Variants in MRTFA observed in about 807,000 individuals in gnomAD.
The protein encoded by MRTFA is myocardin-related transcription factor A.
Under a neutral mutation model 83.5 loss-of-function variants are expected in MRTFA, and 20 were observed. The observed-to-expected ratio is 0.24, with a 90% CI of 0.17 to 0.35. The LOEUF (loss-of-function observed/expected upper bound fraction) is 0.35, where lower values mean the gene tolerates loss of function less well. Ranked by LOEUF, MRTFA falls within the 10% of genes least tolerant of loss-of-function variation. The pLI is 1.00. For missense variants in MRTFA, 1,200 were observed against 1,224.7 expected, an observed-to-expected ratio of 0.98 and a Z score of 0.30; for synonymous variants, 659 against 541.2, an observed-to-expected ratio of 1.22 and a Z score of -3.02.
chr22:40,534,402 A>G (rs1286733767), intron 3 of MRTFA, among the ~76,000 whole-genome samples: 6 of 152,228 alleles, frequency 3.9e-5, no homozygotes, highest in Admixed American at 6.5e-5. Context: ...TTGTGCCTAT[A>G]TTAGACATAC....
intron 3 of MRTFA, among the ~76,000 whole-genome samples, chr22:40,484,263 T>TA (rs2054139615): frequency 6.6e-6 from 1 of 152,120 alleles, no homozygotes; most frequent in South Asian, 2.1e-4. Context: ...TAAAATTTGA[T>TA]AAAGTCTGCA....
In MRTFA at chr22:40,421,106, G is replaced by A. The variant is rs1437183033; in HGVS notation, c.928-6C>T. ...GCAGACTTGGGTTGGCTTTGCTGAGGGCACAGGAGACAGGGTGCCATTCAG... is the reference window on the plus strand; with the variant it reads ...GCAGACTTGGGTTGGCTTTGCTGAGAGCACAGGAGACAGGGTGCCATTCAG... On this transcript the variant is annotated splice_polypyrimidine_tract_variant and splice_region_variant and intron_variant, in intron 9 of 14. Coordinates refer to ENST00000355630, the MANE Select transcript of MRTFA (RefSeq NM_020831.6). The A allele has an allele frequency of 4.6e-6, 7 of 1,520,794 alleles. No homozygotes were observed. The South Asian group carries it at 7.9e-5, about 17-fold the overall frequency. The allele number at this position is 1,520,794 out of a possible 1,614,324, so 94.2% of individuals were successfully genotyped here. A position where few individuals can be genotyped will look rare whatever the true frequency, so the allele number is the denominator to read the frequency against.
intron 3 of MRTFA, among the ~76,000 whole-genome samples, chr22:40,479,424 G>A (rs945736558): frequency 3.9e-5 from 6 of 152,002 alleles, no homozygotes; most frequent in South Asian, 4.1e-4. Context: ...GCTGCTGGCC[G>A]GCCTTTCCTC....
chr22:40,563,127 A>G (rs1417605824), intron 2 of MRTFA, among the ~76,000 whole-genome samples: 2 of 152,030 alleles, frequency 1.3e-5, no homozygotes, highest in African/African-American at 4.8e-5. Context: ...TACTGGCTTC[A>G]TTTCTCACCA....
At chr22:40,531,167 T>C (rs954173569) in intron 3 of MRTFA, among the ~76,000 whole-genome samples, 15 of 151,772 alleles carry the variant, frequency 9.9e-5, no homozygotes, top group Admixed American at 2.0e-4. Flanking sequence ...GGCATGATCA[T>C]AGCTTGTTGC....
intron 1 of MRTFA, among the ~76,000 whole-genome samples, chr22:40,628,264 T>G (rs2056603217): frequency 1.3e-5 from 2 of 152,188 alleles, no homozygotes; most frequent in African/African-American, 4.8e-5. Context: ...GTCACATACC[T>G]GGTAACTGTC....
chr22:40,524,256 A>AC (rs1384974673), intron 3 of MRTFA, among the ~76,000 whole-genome samples: 1 of 152,176 alleles, frequency 6.6e-6, no homozygotes, highest in African/African-American at 2.4e-5. Context: ...TGATTATGCC[A>AC]CTGCACTCCA....
intron 1 of MRTFA, among the ~76,000 whole-genome samples, chr22:40,608,242 C>T (rs1197009960): frequency 2.6e-5 from 4 of 152,044 alleles, no homozygotes; most frequent in African/African-American, 2.4e-5. Flanking sequence ...CTCAAACTCC[C>T]GACCTCAGGT....
intron 1 of MRTFA, among the ~76,000 whole-genome samples, chr22:40,624,808 A>G (rs1569357894): frequency 6.6e-6 from 1 of 152,240 alleles, no homozygotes; most frequent in Non-Finnish European, 1.5e-5. Flanking sequence ...TAGCTTGTCC[A>G]AATTGTATAA....
intron 3 of MRTFA, among the ~76,000 whole-genome samples, chr22:40,503,530 T>G (rs998460086): frequency 6.6e-6 from 1 of 152,100 alleles, no homozygotes; most frequent in African/African-American, 2.4e-5. Flanking sequence ...ATTTTTAGAG[T>G]GGAGTGTCCT....
intron 3 of MRTFA, among the ~76,000 whole-genome samples, chr22:40,505,657 T>A (rs761425466): frequency 6.6e-6 from 1 of 152,198 alleles, no homozygotes; most frequent in Non-Finnish European, 1.5e-5. Flanking sequence ...TGAATGGGAT[T>A]AAAGCCCTTA....
At chr22:40,453,281 G>A (rs935219033) in intron 4 of MRTFA, among the ~76,000 whole-genome samples, 1 of 152,170 alleles carries the variant, frequency 6.6e-6, no homozygotes, top group African/African-American at 2.4e-5. Flanking sequence ...CATCTCACTA[G>A]GTAGGGTTCT....
At chr22:40,620,834 A>G (rs2056514706) in intron 1 of MRTFA, among the ~76,000 whole-genome samples, 1 of 152,190 alleles carries the variant, frequency 6.6e-6, no homozygotes, top group African/African-American at 2.4e-5. Flanking sequence ...ACAATGTTAT[A>G]TCAGCAGAAA....
rs556913277 is a variant in MRTFA at position 40,539,689 on chromosome 22, G to C, written c.241+12417C>G. ...GGCTAATTTTTGTATTTTTAATAAA[G>C]ACAGGGTTTTCACCATGTTGGCCAG... is the stretch of plus-strand genomic sequence containing the variant. On this transcript the variant is annotated intron_variant, in intron 3 of 14. Transcript: ENST00000355630. Among the ~76,000 whole-genome samples the C allele has an allele frequency of 2.8e-4, 42 of 151,950 alleles. No homozygotes were observed. The South Asian group carries it at 6.7e-3, about 24-fold the overall frequency.
In MRTFA at chr22:40,420,510, G is replaced by C. The variant is rs777102194; in HGVS notation, c.1248C>G (p.Ser416Arg). The C allele has an allele frequency of 2.2e-5, 36 of 1,613,694 alleles. No individual in the cohort carries two copies. In the South Asian group the frequency reaches 4.0e-4, roughly 18 times the overall value. Residue 416 changes from serine (S) to arginine (R), a missense_variant, in exon 11 of 15, where the codon AGC becomes AGG. This residue lies in a region of MRTFA where 1,107 missense variants were observed against 1,041.8 expected (regional missense o/e 1.06). Coordinates refer to ENST00000355630, the MANE Select transcript of MRTFA (RefSeq NM_020831.6). ...GCCCAGGGGCGCCCGAGCTGGAGCTGCTATTGGTAGTGGAGAGGCTGCGTA... is the reference window on the plus strand; with the variant it reads ...GCCCAGGGGCGCCCGAGCTGGAGCTCCTATTGGTAGTGGAGAGGCTGCGTA...
At chr22:40,442,555 A>G (rs934784293) in intron 4 of MRTFA, among the ~76,000 whole-genome samples, 6 of 27,962 alleles carry the variant, frequency 2.1e-4, no homozygotes, top group African/African-American at 9.1e-4. Flanking sequence ...CCATCCATCC[A>G]TGTATCCAAT....
intron 1 of MRTFA, among the ~76,000 whole-genome samples, chr22:40,601,964 C>T (rs1886100871): frequency 6.6e-6 from 1 of 152,192 alleles, no homozygotes; most frequent in African/African-American, 2.4e-5. Flanking sequence ...CTGATAGCAA[C>T]TGGAACATTC....
At chr22:40,437,188 C>A (rs963649826) in intron 4 of MRTFA, among the ~76,000 whole-genome samples, 1 of 152,154 alleles carries the variant, frequency 6.6e-6, no homozygotes, top group Non-Finnish European at 1.5e-5. Flanking sequence ...TTCCCCACTT[C>A]TTACATGGGC....
chr22:40,474,738 G>GT (rs1319370793), intron 3 of MRTFA, among the ~76,000 whole-genome samples: 5 of 152,200 alleles, frequency 3.3e-5, no homozygotes, highest in African/African-American at 1.2e-4. Flanking sequence ...CATACATAAA[G>GT]TAAGTTCTAA....
Sources: allele counts gnomAD v4.1 joint callset (sites outside exome capture counted in the v4.1 genomes callset), GRCh38; gene constraint gnomAD v4.1.1; regional missense constraint gnomAD v4.1.1; transcripts MANE v1.5; gene names NCBI Gene and HGNC (gene_info 2026-07-23, HGNC 2026-07-21).